PI4KB: variants seen among roughly 807,000 people sequenced by gnomAD.
PI4KB encodes PtdIns 4-kinase beta.
Under a neutral mutation model 81.4 loss-of-function variants are expected in PI4KB, and 23 were observed. The observed-to-expected ratio is 0.28, with a 90% CI of 0.20 to 0.40. PI4KB has a LOEUF of 0.40. Ranked by LOEUF, PI4KB falls within the 10% of genes least tolerant of loss-of-function variation. The pLI is 1.00. For missense variants in PI4KB, 651 were observed against 1,036.6 expected (o/e 0.63, Z 5.11); for synonymous variants, 381 against 406.8 (o/e 0.94, Z 0.76).
chr1:151,303,710 C>T, intron 5 of PI4KB, 60 bp from the exon 6 acceptor site: 1 of 1,071,858 alleles, frequency 9.3e-7, no homozygotes, highest in Non-Finnish European at 1.5e-6. Flanking sequence ...TCTTTCCCCT[C>T]CTGCTTGCTT....
chr1:151,310,319 G>C, intron 2 of PI4KB, 64 bp from the exon 3 acceptor site: 1 of 1,054,396 alleles, frequency 9.5e-7, no homozygotes, highest in Non-Finnish European at 1.4e-6. Context: ...GAGAGACAAA[G>C]GTAAAGAATT....
At chr1:151,298,050 G>A (rs1303464451) in intron 9 of PI4KB, among the ~76,000 whole-genome samples, 1 of 152,170 alleles carries the variant, frequency 6.6e-6, no homozygotes, top group Non-Finnish European at 1.5e-5. Flanking sequence ...TACATTATGT[G>A]CCTCACCTAT....
intron 8 of PI4KB, chr1:151,300,868 A>G (rs1695210610): frequency 6.6e-6 from 1 of 152,490 alleles, no homozygotes; most frequent in East Asian, 1.9e-4. Flanking sequence ...CCCAATTGGC[A>G]TAGTGGACTG....
chr1:151,299,696 A>C (rs1695096760), intron 8 of PI4KB, among the ~76,000 whole-genome samples: 1 of 152,134 alleles, frequency 6.6e-6, no homozygotes, highest in Admixed American at 6.5e-5. Context: ...TCCGACGAAA[A>C]AAAAGAAAAA....
intron 1 of PI4KB, among the ~76,000 whole-genome samples, chr1:151,319,405 A>G (rs979461504): frequency 2.6e-5 from 4 of 152,220 alleles, no homozygotes; most frequent in Non-Finnish European, 5.9e-5. Flanking sequence ...AAGAGTTCCA[A>G]TTGTTTGAGA....
In PI4KB at chr1:151,292,533, G is replaced by A. The variant is rs1343149190; in HGVS notation, c.*319C>T. ...AGAACCTCTGAGAGACCCCTACAAG[G>A]AGAAGAAAGGCCCCAGTGTCCCTCA... On this transcript the variant is annotated 3_prime_UTR_variant, in exon 12 of 12. Transcript: ENST00000368873. The A allele has an allele frequency of 3.5e-6, 1 of 287,896 alleles. No homozygotes were observed. Among genetic ancestry groups the A allele is most frequent in the Non-Finnish European group, 6.6e-6 (1 of 151,480 alleles). 17.8% of individuals were successfully genotyped at this position (287,896 alleles called of 1,614,324 possible). A position where few individuals can be genotyped will look rare whatever the true frequency, so the allele number is the denominator to read the frequency against.
chr1:151,324,888 T>C, intron 1 of PI4KB: 1 of 985,342 alleles, frequency 1.0e-6, no homozygotes, highest in Non-Finnish European at 1.2e-6. Flanking sequence ...TGGATGGTGT[T>C]CAGCATTCTC....
Position 151,312,044 on chromosome 1 carries a change from G to T in PI4KB, c.910-1789C>A, listed in dbSNP as rs587759698. ...ACAAACTGCCTGGGCAGAGTTCCCCGACTAGGCTGATAAAATGGCTTTGAA... is the reference window on the plus strand; with the variant it reads ...ACAAACTGCCTGGGCAGAGTTCCCCTACTAGGCTGATAAAATGGCTTTGAA... On this transcript the variant is annotated intron_variant, in intron 2 of 11. Coordinates refer to ENST00000368873, the MANE Select transcript of PI4KB (RefSeq NM_001369623.2). 2.3e-4 allele frequency among the ~76,000 whole-genome samples: 35 copies of T among 152,334 alleles called. No homozygotes were observed. The South Asian group carries it at 7.3e-3, about 32-fold the overall frequency.
rs764752078 is a variant in PI4KB at position 151,306,247 on chromosome 1, G to C, written c.1299C>G (p.Pro433=). Residue 433 remains proline, a synonymous_variant, in exon 5 of 12, where the codon CCC becomes CCG. Transcript: ENST00000368873. The stretch of plus-strand genomic sequence containing the variant: ...GCTGCTCATGGGTAATACCACATTC[G>C]GGCAAGTTTTCTACGGACCTCGTAC... ...IRSTRSVENL[P]ECGITHEQRA... 6.2e-7 allele frequency: 1 copy of C among 1,614,084 alleles called. No homozygotes were observed. The highest frequency in any genetic ancestry group is 8.5e-7 in the Non-Finnish European group (1 of 1,180,014).
At position 151,297,347 on chromosome 1, in the gene PI4KB, A is replaced by AT. The variant is rs1234220289; in HGVS notation, c.2015+1460dup. On this transcript the variant is annotated intron_variant, in intron 9 of 11. Coordinates refer to ENST00000368873, the MANE Select transcript of PI4KB (RefSeq NM_001369623.2). ...CTCCTGCCTCGGCCTTGTTGGCTAG[A>AT]TTTTTTTTTTTTTTTTTTGAGACTC... Among the ~76,000 whole-genome samples, 1,007 of 133,354 alleles carry AT rather than the reference A, an allele frequency of 7.6e-3. 12 individuals carry two copies. Among genetic ancestry groups the AT allele is most frequent in the African/African-American group, 0.015 (531 of 36,192 alleles). The allele number at this position is 133,354 out of a possible 152,430, so 87.5% of individuals were successfully genotyped here.
chr1:151,304,812 TG>T (rs1381591864), intron 5 of PI4KB, among the ~76,000 whole-genome samples: 1 of 150,762 alleles, frequency 6.6e-6, no homozygotes, highest in Non-Finnish European at 1.5e-5. Flanking sequence ...ATTACAGGCA[TG>T]TTCCACCACA....
At chr1:151,300,863 T>G (rs587600526) in intron 8 of PI4KB, 1 of 152,318 alleles carries the variant, frequency 6.6e-6, no homozygotes, top group Non-Finnish European at 1.5e-5. Context: ...GGACACCCAA[T>G]TGGCATAGTG....
chr1:151,299,228 A>C (rs772233276), intron 8 of PI4KB, among the ~76,000 whole-genome samples, 155 bp from the exon 9 acceptor site: 2 of 152,020 alleles, frequency 1.3e-5, no homozygotes, highest in Non-Finnish European at 2.9e-5. Context: ...AGGACCAGGG[A>C]GTTTGGAAAG....
At chr1:151,324,872 C>G in intron 1 of PI4KB, 2 of 985,190 alleles carry the variant, frequency 2.0e-6, no homozygotes, top group Non-Finnish European at 2.4e-6. Flanking sequence ...TCTCAATTTG[C>G]TGCTTTGGAT....
In PI4KB at chr1:151,303,669, T is replaced by G. The variant is rs1191610827; in HGVS notation, c.1411-19A>C. The G allele has an allele frequency of 6.6e-7, 1 of 1,506,604 alleles. No homozygotes were observed. Among genetic ancestry groups the G allele is most frequent in the East Asian group, 2.3e-5 (1 of 44,326 alleles). The allele number at this position is 1,506,604 out of a possible 1,614,324, so 93.3% of individuals were successfully genotyped here. ...CGGGGAGCTGGAGAAAGGGGAGTGC[T>G]GGTCAGAAGTGCTAAAGTATAGGTC... On this transcript the variant is annotated intron_variant, in intron 5 of 11. Transcript: ENST00000368873.
rs1256381279 is a variant in PI4KB at position 151,316,169 on chromosome 1, C to T, written c.313G>A (p.Gly105Arg). The change falls in exon 2 of 12, where the codon GGG becomes AGG. Residue 105 changes from glycine (G) to arginine (R), a missense_variant. Physicochemically the swap from Gly to Arg is moderately radical, Grantham distance 125. This residue lies in a region of PI4KB where 314 missense variants were observed against 397.8 expected (regional missense o/e 0.79). Transcript: ENST00000368873. ...GCTGTGCCTGAGGCCACAGCGGCCC[C>T]CATCTCATCTTCCTCCTCCCTGATC... Reference protein sequence around the residue: ...AQIREEEDEMGAAVASGTAKG... With the variant: ...AQIREEEDEMRAAVASGTAKG... 4 of 1,613,922 alleles carry T rather than the reference C, an allele frequency of 2.5e-6. No homozygotes were observed. The Admixed American group carries it at 5.0e-5, about 20-fold the overall frequency.
rs549463423 is a variant in PI4KB at position 151,326,811 on chromosome 1, C to CTCAGGGAAA, written c.-29+451_-29+459dup. Among the ~76,000 whole-genome samples, 196 of 152,142 alleles carry CTCAGGGAAA rather than the reference C, an allele frequency of 1.3e-3. 1 individual carries two copies. The highest frequency in any genetic ancestry group is 3.3e-3 in the Admixed American group (51 of 15,270). ...AGGAAGACAGGGATGCAATCTTTAG[C>CTCAGGGAAA]TCAGGGAAATGGGAACCCAGTGCTG... On this transcript the variant is annotated intron_variant, in intron 1 of 11. Transcript: ENST00000368873.
Position 151,308,493 on chromosome 1 carries a change from C to A in PI4KB, c.955-692G>T, listed in dbSNP as rs587676643. ...GAAGGAGGTAGGTAGATGGAGAAAG[C>A]AACAGCTCCTTTTAGCCCTTGATGA... On this transcript the variant is annotated intron_variant, in intron 3 of 11. Coordinates refer to ENST00000368873, the MANE Select transcript of PI4KB (RefSeq NM_001369623.2). Among the ~76,000 whole-genome samples, 4 of 152,306 alleles carry A rather than the reference C, an allele frequency of 2.6e-5. No homozygotes were observed. The East Asian group carries it at 7.7e-4, about 29-fold the overall frequency.
chr1:151,308,418 G>A (rs756056365), intron 3 of PI4KB, among the ~76,000 whole-genome samples: 7 of 152,224 alleles, frequency 4.6e-5, no homozygotes, highest in Non-Finnish European at 1.0e-4. Flanking sequence ...GAAAGAGGAT[G>A]AGCCGATGAG....
Sources: gnomAD v4.1 joint callset for allele counts (sites outside exome capture counted in the v4.1 genomes callset) on GRCh38, gnomAD v4.1.1 for gene constraint, gnomAD v4.1.1 regional missense constraint, MANE v1.5 for transcripts, NCBI Gene and HGNC (gene_info 2026-07-23, HGNC 2026-07-21) for gene names.